The following SPSB1 variants were observed in gnomAD, a reference collection of about 807,000 sequenced individuals.
SPSB1 encodes the protein splA/ryanodine receptor domain and SOCS box containing 1.
In SPSB1, 8 loss-of-function variants were observed where a neutral mutation model predicts 21.2. The observed-to-expected ratio is 0.38, with a 90% CI of 0.22 to 0.68. The LOEUF (loss-of-function observed/expected upper bound fraction) is 0.68. SPSB1 is among the 30% of genes least tolerant of loss of function. The probability of loss-of-function intolerance (pLI) is 0.53; values close to 1 mark genes in which losing one functional copy is unlikely to be tolerated. For missense variants in SPSB1, 242 were observed against 377.8 expected (o/e 0.64, Z 2.98); for synonymous variants, 169 against 161.7 (o/e 1.05, Z -0.34).
intron 1 of SPSB1, among the ~76,000 whole-genome samples, chr1:9,342,972 G>A (rs1640114004): frequency 6.6e-6 from 1 of 152,166 alleles, no homozygotes; most frequent in South Asian, 2.1e-4. Flanking sequence ...GCCTCTCTCT[G>A]CCCTGCACCC....
At chr1:9,353,790 C>T (rs1463118897) in intron 1 of SPSB1, among the ~76,000 whole-genome samples, 3 of 151,948 alleles carry the variant, frequency 2.0e-5, no homozygotes, top group Non-Finnish European at 2.9e-5. Context: ...TGGTGGTGGG[C>T]GCCTGTAATC....
intron 1 of SPSB1, among the ~76,000 whole-genome samples, chr1:9,338,263 C>T (rs966938147): frequency 1.3e-5 from 2 of 152,306 alleles, no homozygotes; most frequent in South Asian, 2.1e-4. Context: ...AGGCCCTGGC[C>T]GTGGGCTCCC....
intron 1 of SPSB1, among the ~76,000 whole-genome samples, chr1:9,349,411 G>A (rs1175627242): frequency 1.3e-5 from 2 of 152,236 alleles, no homozygotes; most frequent in African/African-American, 4.8e-5. Flanking sequence ...CCAGGAGTGG[G>A]GGTAGGTGAG....
At chr1:9,343,541 T>C (rs1254792617) in intron 1 of SPSB1, among the ~76,000 whole-genome samples, 1 of 152,220 alleles carries the variant, frequency 6.6e-6, no homozygotes, top group Non-Finnish European at 1.5e-5. Context: ...CATTTATGTT[T>C]TTGCAACAAT....
intron 1 of SPSB1, among the ~76,000 whole-genome samples, chr1:9,304,135 A>G (rs150082897): frequency 1.8e-4 from 28 of 152,296 alleles, no homozygotes; most frequent in Middle Eastern, 3.4e-3. Context: ...CGGAGCTGGG[A>G]CATCCTCCTT....
rs886944169 is a variant in SPSB1 at position 9,345,935 on chromosome 1, G to A, written c.-149-9808G>A. Among the ~76,000 whole-genome samples the A allele has an allele frequency of 6.6e-6, 1 of 152,076 alleles. No homozygotes were observed. The highest frequency in any genetic ancestry group is 2.4e-5 in the African/African-American group (1 of 41,344). ...GGAGGGTGGTAACCACGTGTCACAAGCCCTGCTGGTGGTGGCCCCTTTGCC... is the reference window on the plus strand; with the variant it reads ...GGAGGGTGGTAACCACGTGTCACAAACCCTGCTGGTGGTGGCCCCTTTGCC... On this transcript the variant is annotated intron_variant, in intron 1 of 2. Coordinates refer to ENST00000328089, the MANE Select transcript of SPSB1 (RefSeq NM_025106.4). The surrounding 1 kb of genome is among the most constrained non-coding windows in gnomAD (Gnocchi z 4.8).
At chr1:9,298,317 A>G (rs889454866) in intron 1 of SPSB1, among the ~76,000 whole-genome samples, 1 of 152,258 alleles carries the variant, frequency 6.6e-6, no homozygotes, top group African/African-American at 2.4e-5. Context: ...ACAGAAAATC[A>G]CAGCCCTCAA....
chr1:9,355,779 T>C lies in SPSB1; in HGVS notation c.-113T>C, dbSNP rs1404068210. ...CACTGCGCAGCTTGCAGAGGTCTCC[T>C]GGCAGCCCTCATTAGGAATTCTGTC... On this transcript the variant is annotated 5_prime_UTR_variant, in exon 2 of 3. Transcript: ENST00000328089. 5 of 1,493,900 alleles carry C rather than the reference T, an allele frequency of 3.3e-6. No homozygotes were observed. The highest frequency in any genetic ancestry group is 4.5e-6 in the Non-Finnish European group (5 of 1,123,040). 92.5% of individuals were successfully genotyped at this position (1,493,900 alleles called of 1,614,324 possible). A position where few individuals can be genotyped will look rare whatever the true frequency, so the allele number is the denominator to read the frequency against.
intron 1 of SPSB1, among the ~76,000 whole-genome samples, chr1:9,338,736 C>T (rs1323713301): frequency 6.6e-6 from 1 of 152,214 alleles, no homozygotes; most frequent in Non-Finnish European, 1.5e-5. Flanking sequence ...GGGGCGTCAC[C>T]TCCCCCATAT....
chr1:9,317,763 G>A lies in SPSB1; in HGVS notation c.-150+24692G>A, dbSNP rs755125682. ...CTCCCAGAGTGTTGGGATTACAGGC[G>A]TGAGTCACCGTGCCTGGCCAGAAAA... is the stretch of plus-strand genomic sequence containing the variant. On this transcript the variant is annotated intron_variant, in intron 1 of 2. Coordinates refer to ENST00000328089, the MANE Select transcript of SPSB1 (RefSeq NM_025106.4). The surrounding 1 kb of genome is among the most constrained non-coding windows in gnomAD (Gnocchi z 4.3). 2.0e-5 allele frequency among the ~76,000 whole-genome samples: 3 copies of A among 152,104 alleles called. No homozygotes were observed. Among genetic ancestry groups the A allele is most frequent in the South Asian group, 2.1e-4 (1 of 4,816 alleles).
intron 1 of SPSB1, among the ~76,000 whole-genome samples, chr1:9,301,906 A>G (rs367759143): frequency 8.5e-5 from 13 of 152,364 alleles, no homozygotes; most frequent in Admixed American, 4.6e-4. Context: ...TCCTTACTGG[A>G]GCAGGCACTT....
chr1:9,299,963 C>CA (rs549304734), intron 1 of SPSB1, among the ~76,000 whole-genome samples: 25,790 of 87,958 alleles, frequency 0.29, 3,053 homozygotes, highest in South Asian at 0.34. Flanking sequence ...GACCCTGTCT[C>CA]AAAAAAAAAA....
intron 2 of SPSB1, among the ~76,000 whole-genome samples, chr1:9,359,957 G>C (rs988239536): frequency 3.3e-5 from 5 of 152,202 alleles, no homozygotes; most frequent in Non-Finnish European, 5.9e-5. Flanking sequence ...GCATTGTTTG[G>C]GTTGAGCAGG....
intron 1 of SPSB1, among the ~76,000 whole-genome samples, chr1:9,352,155 G>C (rs907777924): frequency 6.6e-6 from 1 of 152,222 alleles, no homozygotes; most frequent in Non-Finnish European, 1.5e-5. Context: ...CCCAGCATTG[G>C]TGTTAAGGAC....
intron 1 of SPSB1, among the ~76,000 whole-genome samples, chr1:9,311,224 C>A (rs529223350): frequency 6.6e-6 from 1 of 151,160 alleles, no homozygotes; most frequent in African/African-American, 2.4e-5. Context: ...CCCGCTCTGT[C>A]CTGGCTGTCA....
At chr1:9,361,027 G>C (rs1050753962) in intron 2 of SPSB1, among the ~76,000 whole-genome samples, 19 of 152,196 alleles carry the variant, frequency 1.2e-4, no homozygotes, top group Non-Finnish European at 1.3e-4. Flanking sequence ...CGTCCCGGGA[G>C]AGTTGGCTTT....
At chr1:9,307,648 G>T (rs1557446450) in intron 1 of SPSB1, among the ~76,000 whole-genome samples, 1 of 152,200 alleles carries the variant, frequency 6.6e-6, no homozygotes, top group South Asian at 2.1e-4. Context: ...TGTCTAAGAG[G>T]TTGGCTGGGA....
intron 1 of SPSB1, among the ~76,000 whole-genome samples, chr1:9,320,032 C>T (rs1639690753): frequency 1.3e-5 from 2 of 152,164 alleles, no homozygotes; most frequent in African/African-American, 2.4e-5. Context: ...CTTCGAGCCC[C>T]CTGGGCCAGG....
At chr1:9,344,302 C>CT (rs1412805110) in intron 1 of SPSB1, among the ~76,000 whole-genome samples, 1 of 152,202 alleles carries the variant, frequency 6.6e-6, no homozygotes. Context: ...ATTTGCATCT[C>CT]TGAGTTCCCA....
Sources: gnomAD v4.1 joint callset for allele counts (sites outside exome capture counted in the v4.1 genomes callset) on GRCh38, gnomAD v4.1.1 for gene constraint, Gnocchi (gnomAD v3.1) non-coding constraint, MANE v1.5 for transcripts, NCBI Gene and HGNC (gene_info 2026-07-23, HGNC 2026-07-21) for gene names.